ADA2: variants seen among roughly 807,000 people sequenced by gnomAD.
The protein encoded by ADA2 is adenosine deaminase CECR1.
Under a neutral mutation model 44.2 loss-of-function variants are expected in ADA2, and 29 were observed. That is an observed-to-expected ratio of 0.66 (90% confidence interval 0.49 to 0.89). The LOEUF (loss-of-function observed/expected upper bound fraction) is 0.89. Ranked by LOEUF, ADA2 falls within the 40% of genes least tolerant of loss-of-function variation. The pLI, the probability that ADA2 is intolerant of heterozygous loss-of-function variation, is 0.00. For synonymous variants in ADA2, 215 were observed against 234.9 expected (o/e 0.92, Z 0.77); for missense variants, 637 against 644.8 (o/e 0.99, Z 0.13).
intron 4 of ADA2, among the ~76,000 whole-genome samples, chr22:17,200,327 A>G (rs759743858): frequency 5.3e-5 from 8 of 152,198 alleles, no homozygotes; most frequent in Non-Finnish European, 1.0e-4. Flanking sequence ...TCTCAATAAA[A>G]GATGAGACCC....
At chr22:17,213,475 T>A in intron 1 of ADA2, 1 of 220,828 alleles carries the variant, frequency 4.5e-6, no homozygotes, top group South Asian at 5.6e-5. Flanking sequence ...AAAGAAAACG[T>A]GGCAAGTCCA....
chr22:17,193,546 T>C (rs892669943), intron 4 of ADA2, among the ~76,000 whole-genome samples: 3 of 151,238 alleles, frequency 2.0e-5, no homozygotes, highest in African/African-American at 7.3e-5. Context: ...GTGCCTGTAG[T>C]AGTCCCAGCC....
intron 4 of ADA2, chr22:17,199,665 G>A (rs1251648914): frequency 1.6e-5 from 25 of 1,608,128 alleles, no homozygotes; most frequent in Non-Finnish European, 2.0e-5. Context: ...CGCTCAGAGA[G>A]CCCAGCGCGG....
At chr22:17,205,143 G>A (rs361858) in intron 3 of ADA2, among the ~76,000 whole-genome samples, 3 of 151,886 alleles carry the variant, frequency 2.0e-5, no homozygotes, top group African/African-American at 4.8e-5. Flanking sequence ...TTGGCCTCCC[G>A]AGTAGCTGGG....
chr22:17,210,814 C>T lies in ADA2; in HGVS notation c.-46-1091G>A, dbSNP rs183656906. Among the ~76,000 whole-genome samples, 308 of 152,044 alleles carry T rather than the reference C, an allele frequency of 2.0e-3. 1 individual carries two copies. The highest frequency in any genetic ancestry group is 6.6e-3 in the Admixed American group (101 of 15,244). On this transcript the variant is annotated intron_variant, in intron 1 of 9. Coordinates refer to ENST00000399837, the MANE Select transcript of ADA2 (RefSeq NM_001282225.2). The stretch of plus-strand genomic sequence containing the variant: ...TATTGGCCAGGCTGGTCTTGAACTC[C>T]TAGCCTCAAGTGATCCACTCATCTC...
At chr22:17,189,767 G>C in intron 6 of ADA2, 175 bp downstream of exon 6, 1 of 578,120 alleles carries the variant, frequency 1.7e-6, no homozygotes, top group South Asian at 2.0e-5. Context: ...CTCTGAAGAG[G>C]GTCAGCGCTG....
intron 9 of ADA2, 90 bp from the exon 10 acceptor site, chr22:17,181,666 G>C (rs2061970318): frequency 1.8e-6 from 2 of 1,101,526 alleles, no homozygotes; most frequent in Non-Finnish European, 2.8e-6. Flanking sequence ...GCCTTGCAGA[G>C]CACTCTCCCC....
intron 6 of ADA2, among the ~76,000 whole-genome samples, chr22:17,189,184 T>C (rs1473471072): frequency 2.0e-5 from 3 of 151,752 alleles, no homozygotes; most frequent in Non-Finnish European, 4.4e-5. Context: ...GGCTGGCTAA[T>C]TTTTGTGTTT....
intron 4 of ADA2, among the ~76,000 whole-genome samples, chr22:17,195,402 G>A (rs1306439927): frequency 4.6e-5 from 7 of 152,020 alleles, no homozygotes; most frequent in African/African-American, 7.2e-5. Flanking sequence ...GGTGGTGGGC[G>A]CCTGTAATCC....
chr22:17,182,679 C>T lies in ADA2; in HGVS notation c.1164G>A (p.Leu388=), dbSNP rs774504121. The T allele has an allele frequency of 1.2e-6, 2 of 1,614,022 alleles. No homozygotes were observed. Among genetic ancestry groups the T allele is most frequent in the Admixed American group, 1.7e-5 (1 of 59,998 alleles). Residue 388 remains leucine, a synonymous_variant, in exon 8 of 10, where the codon TTG becomes TTA. Coordinates refer to ENST00000399837, the MANE Select transcript of ADA2 (RefSeq NM_001282225.2). ...NTTRIGHGFA[L]SKHPAVRTYS... is the part of the protein sequence containing the mutation. ...AAGTCCTGACTGCGGGGTGTTTGCT[C>T]AAAGCAAATCCATGGCCGATTCTGG...
At position 17,179,469 on chromosome 22, in the gene ADA2, G is replaced by A. The variant is rs1463123970; in HGVS notation, c.*2014C>T. On this transcript the variant is annotated 3_prime_UTR_variant, in exon 10 of 10. Transcript: ENST00000399837. ...AGAAATAAATATCCGATTATAAGCT[G>A]TGATTAGAGGCATGATGGAAAAGAG... 5 of 152,252 alleles carry A rather than the reference G, an allele frequency of 3.3e-5. No individual in the cohort carries two copies. In the East Asian group the frequency reaches 9.6e-4, roughly 29 times the overall value. The allele number at this position is 152,252 out of a possible 1,614,324, so 9.4% of individuals were successfully genotyped here.
intron 4 of ADA2, among the ~76,000 whole-genome samples, chr22:17,196,928 T>C (rs1317588752): frequency 6.6e-6 from 1 of 152,196 alleles, no homozygotes; most frequent in East Asian, 1.9e-4. Flanking sequence ...ATCCCAGCAC[T>C]TTAGGAGGCC....
At position 17,179,564 on chromosome 22, in the gene ADA2, T is replaced by C. The variant is rs2061945890; in HGVS notation, c.*1919A>G. On this transcript the variant is annotated 3_prime_UTR_variant, in exon 10 of 10. Transcript: ENST00000399837. ...TGAGACAGTGACATGAACTTGAAAC[T>C]TGAAGGGTAAACAGGAGTGGGCAAG... The C allele has an allele frequency of 6.6e-6, 1 of 152,176 alleles. No individual in the cohort carries two copies. Among genetic ancestry groups the C allele is most frequent in the African/African-American group, 2.4e-5 (1 of 41,412 alleles). The allele number at this position is 152,176 out of a possible 1,614,324, so 9.4% of individuals were successfully genotyped here.
rs1568967612 is a variant in ADA2 at position 17,183,454 on chromosome 22, C to CTAT, written c.1082-694_1082-693insATA. Among the ~76,000 whole-genome samples the CTAT allele has an allele frequency of 1.2e-4, 9 of 76,138 alleles. 1 individual carries two copies. Among genetic ancestry groups the CTAT allele is most frequent in the Non-Finnish European group, 1.4e-4 (5 of 36,550 alleles). The allele number at this position is 76,138 out of a possible 152,430, so 49.9% of individuals were successfully genotyped here. ...CTTTCCTTCTTCCTCTTTTGTGGCACTCTTTTTTTTTTTTTTTTTTTTTTG... is the reference window on the plus strand; with the variant it reads ...CTTTCCTTCTTCCTCTTTTGTGGCACTATTCTTTTTTTTTTTTTTTTTTTTTTG... On this transcript the variant is annotated intron_variant, in intron 7 of 9. Coordinates refer to ENST00000399837, the MANE Select transcript of ADA2 (RefSeq NM_001282225.2).
At chr22:17,215,249 T>C (rs1343157500) in intron 1 of ADA2, among the ~76,000 whole-genome samples, 1 of 152,136 alleles carries the variant, frequency 6.6e-6, no homozygotes, top group African/African-American at 2.4e-5. Flanking sequence ...GCCAGTTATT[T>C]AAAAAAGAAA....
rs1360231197 is a variant in ADA2, at chr22:17,179,377, A to G, written c.*2106T>C. 1 of 152,260 alleles carries G rather than the reference A, an allele frequency of 6.6e-6. No individual in the cohort carries two copies. Among genetic ancestry groups the G allele is most frequent in the Non-Finnish European group, 1.5e-5 (1 of 68,076 alleles). 9.4% of individuals were successfully genotyped at this position (152,260 alleles called of 1,614,324 possible). On this transcript the variant is annotated 3_prime_UTR_variant, in exon 10 of 10. Transcript: ENST00000399837. ...CTGGGTTAGCAGCATGCGTGAAACA[A>G]TCAGAAACAATCATGAGCGCCTGCC... is the stretch of plus-strand genomic sequence containing the variant.
chr22:17,219,971 C>T (rs142438035), upstream of ADA2, among the ~76,000 whole-genome samples: 166 of 152,108 alleles, frequency 1.1e-3, 3 homozygotes, highest in East Asian at 0.028. Flanking sequence ...CCACCATGCC[C>T]GGCCGCATGT....
upstream of ADA2, among the ~76,000 whole-genome samples, chr22:17,221,544 C>T (rs1290436675): frequency 6.6e-6 from 1 of 152,074 alleles, no homozygotes; most frequent in Admixed American, 6.6e-5. Flanking sequence ...AACGCTTTAG[C>T]TAAAAGTAGG....
At chr22:17,218,093 A>G (rs556254995) in intron 1 of ADA2, among the ~76,000 whole-genome samples, 1 of 152,330 alleles carries the variant, frequency 6.6e-6, no homozygotes, top group South Asian at 2.1e-4. Flanking sequence ...TAGGTGGCTC[A>G]CAAATGGATA....
Sources: gnomAD v4.1 joint callset for allele counts (sites outside exome capture counted in the v4.1 genomes callset) on GRCh38, gnomAD v4.1.1 for gene constraint, MANE v1.5 for transcripts, NCBI Gene and HGNC (gene_info 2026-07-23, HGNC 2026-07-21) for gene names.